CIMIP2A: variants seen among roughly 807,000 people sequenced by gnomAD.
CIMIP2A encodes ciliary microtubule inner protein 2A, also known as family with sequence similarity 166 member A.
chr9:137,247,800 C>A, the CIMIP2A span: 232 of 1,363,236 alleles, frequency 1.7e-4, 4 homozygotes, highest in South Asian at 2.6e-3. Flanking sequence ...ACCGGGCAAC[C>A]ATTGTGAGGG....
At chr9:137,252,372 T>A in the CIMIP2A span, 19 of 1,519,982 alleles carry the variant, frequency 1.3e-5, no homozygotes, top group Non-Finnish European at 1.7e-5. Context: ...GGGAGACAGG[T>A]TCGAGTGGGG....
the CIMIP2A span, chr9:137,251,688 G>C: frequency 6.5e-7 from 1 of 1,540,002 alleles, no homozygotes; most frequent in Non-Finnish European, 8.7e-7. Flanking sequence ...TGGGGCATGT[G>C]GCTGGGAGCG....
chr9:137,251,530 G>A, the CIMIP2A span: 3 of 965,008 alleles, frequency 3.1e-6, no homozygotes, highest in Non-Finnish European at 1.6e-6. Flanking sequence ...CTGTGGGGCA[G>A]GCGGCTGGGA....
At chr9:137,254,143 G>T in the CIMIP2A span, among the ~76,000 whole-genome samples, 1 of 152,244 alleles carries the variant, frequency 6.6e-6, no homozygotes, top group African/African-American at 2.4e-5. Flanking sequence ...CCAGGACCCA[G>T]ACCAGGCCCA....
the CIMIP2A span, chr9:137,244,076 G>T: frequency 7.9e-7 from 1 of 1,267,212 alleles, no homozygotes; most frequent in Admixed American, 1.7e-5. Context: ...GGTCAGACAG[G>T]TGGTCCTGAA....
At chr9:137,245,428 G>C in the CIMIP2A span, 8 of 1,613,938 alleles carry the variant, frequency 5.0e-6, no homozygotes, top group Non-Finnish European at 6.8e-6. Context: ...AGGGTGCGGG[G>C]TGTCGGGCGT....
At chr9:137,251,066 G>A in the CIMIP2A span, 10 of 563,126 alleles carry the variant, frequency 1.8e-5, no homozygotes, top group Non-Finnish European at 2.9e-5. Flanking sequence ...GGAGGGAGAG[G>A]GCTGGGCCAG....
chr9:137,247,205 A>C, the CIMIP2A span, among the ~76,000 whole-genome samples: 2 of 152,212 alleles, frequency 1.3e-5, no homozygotes, highest in African/African-American at 4.8e-5. Context: ...GAATCGCTTG[A>C]ACCTGGGAGG....
chr9:137,244,262 G>A, the CIMIP2A span: 2 of 1,613,844 alleles, frequency 1.2e-6, no homozygotes, highest in Non-Finnish European at 1.7e-6. Flanking sequence ...TCTCGCCCAG[G>A]TCACAGTGGG....
At chr9:137,243,864 A>G in the CIMIP2A span, 2 of 1,502,262 alleles carry the variant, frequency 1.3e-6, no homozygotes, top group Non-Finnish European at 1.9e-6. Context: ...CAGGCTTCAG[A>G]GAAGTGTGGG....
chr9:137,249,941 G>T, the CIMIP2A span, among the ~76,000 whole-genome samples: 2 of 152,196 alleles, frequency 1.3e-5, no homozygotes, highest in Non-Finnish European at 2.9e-5. Context: ...AAGTTCCAGG[G>T]GCCCAGGCTT....
At chr9:137,248,112 C>G in the CIMIP2A span, among the ~76,000 whole-genome samples, 15 of 152,232 alleles carry the variant, frequency 9.9e-5, no homozygotes, top group African/African-American at 3.4e-4. Context: ...AGCCTTGGCT[C>G]GAGTCAGGGG....
chr9:137,245,658 G>A, the CIMIP2A span: 4 of 1,607,340 alleles, frequency 2.5e-6, 1 homozygote, highest in South Asian at 1.1e-5. Flanking sequence ...GGGGGATGTA[G>A]GGCTCCGTCA....
chr9:137,244,113 G>T, the CIMIP2A span: 1 of 1,519,096 alleles, frequency 6.6e-7, no homozygotes, highest in Non-Finnish European at 9.1e-7. Flanking sequence ...AGCAGGTAGA[G>T]CCGTCCCTCC....
At chr9:137,247,076 A>G in the CIMIP2A span, among the ~76,000 whole-genome samples, 2 of 152,118 alleles carry the variant, frequency 1.3e-5, no homozygotes, top group African/African-American at 4.8e-5. Context: ...ACTTGAGGTC[A>G]GGAGTTCGAG....
At chr9:137,253,024 C>A in the CIMIP2A span, 1 of 1,539,080 alleles carries the variant, frequency 6.5e-7, no homozygotes, top group Non-Finnish European at 8.8e-7. Context: ...AATGTGAGGA[C>A]AAGGGTTCAG....
At chr9:137,245,657 A>G in the CIMIP2A span, 1 of 1,607,170 alleles carries the variant, frequency 6.2e-7, no homozygotes, top group Non-Finnish European at 8.5e-7. Context: ...TGGGGGATGT[A>G]GGGCTCCGTC....
the CIMIP2A span, chr9:137,252,287 GGA>G: frequency 7.5e-7 from 1 of 1,328,824 alleles, no homozygotes; most frequent in Non-Finnish European, 1.0e-6. Context: ...AAGGAGGCCT[GGA>G]GAGAGGAGGG....
chr9:137,251,052 G>T, the CIMIP2A span: 3 of 537,492 alleles, frequency 5.6e-6, no homozygotes, highest in African/African-American at 3.8e-5. Flanking sequence ...TGGAAAGGTT[G>T]CGGGGAGGGA....
Sources: allele counts gnomAD v4.1 joint callset (sites outside exome capture counted in the v4.1 genomes callset), GRCh38; gene constraint gnomAD v4.1.1; transcripts MANE v1.5; gene names NCBI Gene and HGNC (gene_info 2026-07-23, HGNC 2026-07-21).